The following CPNE4 variants were observed in gnomAD, a reference collection of about 807,000 sequenced individuals.
CPNE4 encodes the protein copine 4.
Under a neutral mutation model 67.9 loss-of-function variants are expected in CPNE4, and 25 were observed. That is an observed-to-expected ratio of 0.37 (90% CI 0.27 to 0.51). The LOEUF (loss-of-function observed/expected upper bound fraction) is 0.51, where lower values mean the gene tolerates loss of function less well. CPNE4 is among the 20% of genes least tolerant of loss of function. The pLI is 0.93. For synonymous variants in CPNE4, 242 were observed against 244.9 expected (o/e 0.99, Z 0.11); for missense variants, 464 against 690.8 (o/e 0.67, Z 3.68).
chr3:131,554,059 G>T (rs979379422), intron 12 of CPNE4, among the ~76,000 whole-genome samples: 3 of 152,052 alleles, frequency 2.0e-5, no homozygotes, highest in East Asian at 1.9e-4. Flanking sequence ...TGAGAAAAAG[G>T]TATGGTGCAT....
chr3:131,589,253 A>G (rs1324211647), intron 7 of CPNE4, among the ~76,000 whole-genome samples: 1 of 152,192 alleles, frequency 6.6e-6, no homozygotes, highest in Admixed American at 6.5e-5. Flanking sequence ...TGCAGGCTTC[A>G]GTCTGTGGCT....
At chr3:131,794,856 A>G (rs1284061311) in intron 2 of CPNE4, among the ~76,000 whole-genome samples, 1 of 152,116 alleles carries the variant, frequency 6.6e-6, no homozygotes, top group Non-Finnish European at 1.5e-5. Context: ...CCTGGATGAA[A>G]GCTTGGGGAA....
At chr3:131,704,517 T>C (rs2081373800) in intron 3 of CPNE4, among the ~76,000 whole-genome samples, 1 of 152,210 alleles carries the variant, frequency 6.6e-6, no homozygotes. Flanking sequence ...TTTATTTTAT[T>C]GGCTGTTTTC....
intron 2 of CPNE4, among the ~76,000 whole-genome samples, chr3:131,894,167 G>A (rs1346551879): frequency 6.6e-6 from 1 of 151,574 alleles, no homozygotes; most frequent in Non-Finnish European, 1.5e-5. Context: ...AAATTATGAA[G>A]AAACAGAAAA....
intron 2 of CPNE4, among the ~76,000 whole-genome samples, chr3:131,776,855 T>C (rs1185498217): frequency 1.3e-5 from 2 of 152,234 alleles, no homozygotes; most frequent in African/African-American, 4.8e-5. Context: ...CTCTGCCACA[T>C]GGATATTTAG....
At chr3:131,770,854 A>G (rs973745700) in intron 2 of CPNE4, among the ~76,000 whole-genome samples, 1 of 152,180 alleles carries the variant, frequency 6.6e-6, no homozygotes, top group African/African-American at 2.4e-5. Context: ...CTAAACTTCT[A>G]AAGACTTCAC....
At chr3:131,560,611 C>T (rs751347764) in intron 11 of CPNE4, among the ~76,000 whole-genome samples, 1 of 151,996 alleles carries the variant, frequency 6.6e-6, no homozygotes, top group Non-Finnish European at 1.5e-5. Flanking sequence ...TTTATTTACA[C>T]GTGTTTCTGC....
intron 2 of CPNE4, among the ~76,000 whole-genome samples, chr3:131,726,875 T>A (rs2082013518): frequency 6.6e-6 from 1 of 152,190 alleles, no homozygotes; most frequent in Admixed American, 6.5e-5. Context: ...AATGAGGAGA[T>A]GTAGAGTCTA....
intron 2 of CPNE4, among the ~76,000 whole-genome samples, chr3:131,895,565 T>TAATA (rs1553798967): frequency 1.2e-4 from 17 of 145,936 alleles, no homozygotes; most frequent in African/African-American, 3.8e-4. Flanking sequence ...TAATTTTATT[T>TAATA]TTTTTGTTTT....
intron 2 of CPNE4, among the ~76,000 whole-genome samples, chr3:131,886,512 G>A (rs1238344177): frequency 6.6e-6 from 1 of 152,196 alleles, no homozygotes; most frequent in African/African-American, 2.4e-5. Flanking sequence ...CAGAGGAGCT[G>A]TGAGAAGAGG....
intron 2 of CPNE4, among the ~76,000 whole-genome samples, chr3:131,765,292 A>G (rs186404020): frequency 6.6e-6 from 1 of 152,238 alleles, no homozygotes; most frequent in African/African-American, 2.4e-5. Flanking sequence ...TCTGTGCTAA[A>G]CTTACTGGGA....
intron 7 of CPNE4, among the ~76,000 whole-genome samples, chr3:131,595,106 A>G (rs1048573893): frequency 2.6e-5 from 4 of 152,242 alleles, no homozygotes; most frequent in Non-Finnish European, 5.9e-5. Flanking sequence ...ACCTTCGTAC[A>G]TTGTTGTTGG....
At chr3:131,751,608 A>C (rs775608692) in intron 2 of CPNE4, among the ~76,000 whole-genome samples, 1 of 152,156 alleles carries the variant, frequency 6.6e-6, no homozygotes, top group Non-Finnish European at 1.5e-5. Context: ...TATTTCTCAG[A>C]TAATTTTAAC....
chr3:131,599,680 G>A (rs1939093637), intron 7 of CPNE4, among the ~76,000 whole-genome samples: 1 of 152,160 alleles, frequency 6.6e-6, no homozygotes, highest in Admixed American at 6.5e-5. Context: ...CAGGACTAGT[G>A]GAAATCTGTC....
intron 11 of CPNE4, among the ~76,000 whole-genome samples, chr3:131,560,011 G>C (rs150652856): frequency 6.6e-6 from 1 of 152,052 alleles, no homozygotes; most frequent in African/African-American, 2.4e-5. Flanking sequence ...AAAAGTACAT[G>C]AGCAAAAACA....
At position 131,535,156 on chromosome 3, in the gene CPNE4, G is replaced by C; in HGVS notation, c.*39C>G. 1 of 1,544,456 alleles carries C rather than the reference G, an allele frequency of 6.5e-7. No individual in the cohort carries two copies. Among genetic ancestry groups the C allele is most frequent in the Non-Finnish European group, 8.8e-7 (1 of 1,140,966 alleles). ...AGTATTAAATATGAAATATTAGCAGGAATAGTATTTCAGAACTCTGTAAAA... is the reference window on the plus strand; with the variant it reads ...AGTATTAAATATGAAATATTAGCAGCAATAGTATTTCAGAACTCTGTAAAA... On this transcript the variant is annotated 3_prime_UTR_variant, in exon 16 of 16. Transcript: ENST00000429747.
At chr3:132,036,118 A>G (rs1253042272), upstream of CPNE4, among the ~76,000 whole-genome samples, 1 of 152,222 alleles carries the variant, frequency 6.6e-6, no homozygotes, top group African/African-American at 2.4e-5. Context: ...CTGACAGAAC[A>G]CAAATAACAT....
At chr3:131,814,751 C>A (rs1385658589) in intron 2 of CPNE4, among the ~76,000 whole-genome samples, 1 of 143,444 alleles carries the variant, frequency 7.0e-6, no homozygotes, top group Non-Finnish European at 1.5e-5. Flanking sequence ...ACTACAGGCG[C>A]CCGCCACTAC....
At chr3:131,930,098 G>A (rs1018096121) in intron 1 of CPNE4, among the ~76,000 whole-genome samples, 3 of 152,146 alleles carry the variant, frequency 2.0e-5, no homozygotes, top group African/African-American at 4.8e-5. Flanking sequence ...TCATGTTAAA[G>A]TATTGGCACT....
Sources: gnomAD v4.1 joint callset for allele counts (sites outside exome capture counted in the v4.1 genomes callset) on GRCh38, gnomAD v4.1.1 for gene constraint, MANE v1.5 for transcripts, NCBI Gene and HGNC (gene_info 2026-07-23, HGNC 2026-07-21) for gene names.